The following ZNF536 variants were observed in gnomAD, a reference collection of about 807,000 sequenced individuals.
ZNF536 encodes the protein zinc finger protein 536.
Under a neutral mutation model 84.5 loss-of-function variants are expected in ZNF536, and 13 were observed. The observed-to-expected ratio is 0.15, with a 90% CI of 0.10 to 0.24. The LOEUF (loss-of-function observed/expected upper bound fraction) is 0.24, where lower values mean the gene tolerates loss of function less well. Among genes scored for constraint, ZNF536 ranks in the 10% least tolerant of loss-of-function variants. The pLI, the probability that ZNF536 is intolerant of heterozygous loss-of-function variation, is 1.00. For synonymous variants in ZNF536, 811 were observed against 742.5 expected (o/e 1.09, Z -1.50); for missense variants, 1,536 against 1,747.5 (o/e 0.88, Z 2.16).
chr19:30,230,995 A>G (rs1188985337), intron 1 of ZNF536, among the ~76,000 whole-genome samples: 1 of 151,730 alleles, frequency 6.6e-6, no homozygotes, highest in African/African-American at 2.4e-5. Flanking sequence ...TTATAAGAAG[A>G]GTATCATAAA....
intron 2 of ZNF536, among the ~76,000 whole-genome samples, chr19:30,501,872 C>T (rs1014234006): frequency 1.3e-5 from 2 of 152,180 alleles, no homozygotes; most frequent in African/African-American, 4.8e-5. Context: ...ATACAAATAA[C>T]TCCCACATGC....
intron 1 of ZNF536, among the ~76,000 whole-genome samples, chr19:30,283,013 C>G (rs2045505210): frequency 6.6e-6 from 1 of 152,156 alleles, no homozygotes; most frequent in Non-Finnish European, 1.5e-5. Context: ...CAGAAATCAG[C>G]CTTGGAGTTG....
chr19:30,489,001 G>C (rs1013323163), intron 2 of ZNF536, among the ~76,000 whole-genome samples: 1 of 152,128 alleles, frequency 6.6e-6, no homozygotes, highest in Non-Finnish European at 1.5e-5. Context: ...ATAGATCATG[G>C]AAAATCAGGA....
At chr19:30,283,401 G>A (rs1271677892) in intron 1 of ZNF536, among the ~76,000 whole-genome samples, 2 of 152,284 alleles carry the variant, frequency 1.3e-5, no homozygotes, top group East Asian at 3.9e-4. Context: ...TATCACCTCT[G>A]AGCATGCCGT....
intron 2 of ZNF536, among the ~76,000 whole-genome samples, chr19:30,457,741 G>T (rs150688946): frequency 1.3e-5 from 2 of 152,248 alleles, no homozygotes; most frequent in Non-Finnish European, 2.9e-5. Flanking sequence ...GCTGGAGCGT[G>T]CAGAGAACCT....
At chr19:30,538,386 G>A (rs748480257) in intron 3 of ZNF536, among the ~76,000 whole-genome samples, 5 of 152,072 alleles carry the variant, frequency 3.3e-5, no homozygotes, top group African/African-American at 7.2e-5. Context: ...TTTTCTGTCC[G>A]ACTGCATCTT....
At chr19:30,599,832 G>T (rs73028854) in intron 1 of ZNF536, among the ~76,000 whole-genome samples, 7 of 152,106 alleles carry the variant, frequency 4.6e-5, no homozygotes, top group African/African-American at 1.4e-4. Flanking sequence ...TTCATGGACC[G>T]TCTTGTGGCC....
intron 1 of ZNF536, among the ~76,000 whole-genome samples, chr19:30,272,660 G>T (rs547293457): frequency 6.6e-6 from 1 of 152,102 alleles, no homozygotes; most frequent in Non-Finnish European, 1.5e-5. Context: ...ATTTGGATTC[G>T]TATGACATGT....
At chr19:30,356,372 C>T (rs570680726) in intron 3 of ZNF536, among the ~76,000 whole-genome samples, 17 of 152,328 alleles carry the variant, frequency 1.1e-4, no homozygotes, top group Admixed American at 3.9e-4. Flanking sequence ...GCTGATCCTG[C>T]GGTGGGCTGG....
intron 2 of ZNF536, among the ~76,000 whole-genome samples, chr19:30,515,828 C>T (rs748683096): frequency 1.7e-4 from 26 of 151,924 alleles, no homozygotes; most frequent in Non-Finnish European, 3.5e-4. Flanking sequence ...GAGTTCGAGA[C>T]CAGCCTGGCC....
chr19:30,262,822 G>T (rs1444199640), intron 1 of ZNF536, among the ~76,000 whole-genome samples: 1 of 152,198 alleles, frequency 6.6e-6, no homozygotes, highest in Non-Finnish European at 1.5e-5. Flanking sequence ...GCAGATGGGG[G>T]CTGGTTTCCT....
chr19:30,327,525 A>C (rs1049597228), intron 2 of ZNF536, among the ~76,000 whole-genome samples: 1 of 152,250 alleles, frequency 6.6e-6, no homozygotes, highest in Non-Finnish European at 1.5e-5. Flanking sequence ...CCAGCTTTGC[A>C]TGTTGAAAGA....
At chr19:30,665,482 CA>C (rs2050280963) in intron 1 of ZNF536, 1 of 152,242 alleles carries the variant, frequency 6.6e-6, no homozygotes, top group African/African-American at 2.4e-5. Flanking sequence ...AAGCTTAGCT[CA>C]GCTCAGTTGA....
intron 1 of ZNF536, among the ~76,000 whole-genome samples, chr19:30,680,970 T>C (rs1600245779): frequency 1.3e-5 from 2 of 152,282 alleles, no homozygotes; most frequent in Middle Eastern, 3.4e-3. Context: ...TGGTATCTCA[T>C]TGTGGTTTTG....
At chr19:30,671,652 G>T (rs1308722020) in intron 1 of ZNF536, among the ~76,000 whole-genome samples, 7 of 152,130 alleles carry the variant, frequency 4.6e-5, no homozygotes, top group African/African-American at 1.7e-4. Flanking sequence ...AGGAGGAGGC[G>T]GGCAGTCTGC....
At chr19:30,539,764 C>T (rs768174244) in intron 3 of ZNF536, among the ~76,000 whole-genome samples, 20 of 152,166 alleles carry the variant, frequency 1.3e-4, no homozygotes, top group African/African-American at 4.6e-4. Flanking sequence ...CAGGCAGATG[C>T]TGACAGGTCC....
chr19:30,501,002 C>T (rs941379841), intron 2 of ZNF536, among the ~76,000 whole-genome samples: 5 of 152,112 alleles, frequency 3.3e-5, no homozygotes, highest in African/African-American at 1.2e-4. Context: ...AGGATTGGAG[C>T]GAGAAGGTTT....
chr19:30,326,749 G>A (rs1336692137), intron 2 of ZNF536, among the ~76,000 whole-genome samples: 3 of 117,462 alleles, frequency 2.6e-5, no homozygotes, highest in Admixed American at 8.8e-5. Context: ...GGAAAGACAC[G>A]CGATGATTTT....
chr19:30,321,121 GC>G (rs932671228), intron 2 of ZNF536, among the ~76,000 whole-genome samples: 5 of 152,144 alleles, frequency 3.3e-5, no homozygotes, highest in Non-Finnish European at 1.5e-5. Flanking sequence ...GCTGTGTGAC[GC>G]TGCAACCCCG....
Sources: allele counts gnomAD v4.1 joint callset (sites outside exome capture counted in the v4.1 genomes callset), GRCh38; gene constraint gnomAD v4.1.1; transcripts MANE v1.5; gene names NCBI Gene and HGNC (gene_info 2026-07-23, HGNC 2026-07-21).